MTCL2: variants seen among roughly 807,000 people sequenced by gnomAD.
MTCL2 encodes microtubule crosslinking factor 2, also known as microtubule cross-linking factor 2.
chr20:36,809,779 GGC>G, the MTCL2 span, among the ~76,000 whole-genome samples: 1 of 151,972 alleles, frequency 6.6e-6, no homozygotes, highest in South Asian at 2.1e-4. Flanking sequence ...TTTCCATGTT[GGC>G]CAGGCTGGTC....
chr20:36,827,737 C>G, the MTCL2 span, among the ~76,000 whole-genome samples: 3 of 152,240 alleles, frequency 2.0e-5, no homozygotes, highest in Admixed American at 2.0e-4. Context: ...TAAGGAGAGG[C>G]TGGGTGAACT....
the MTCL2 span, among the ~76,000 whole-genome samples, chr20:36,861,297 C>G: frequency 6.6e-6 from 1 of 152,202 alleles, no homozygotes; most frequent in Non-Finnish European, 1.5e-5. Flanking sequence ...ACTGAACTCC[C>G]AGTTGCCAAC....
the MTCL2 span, among the ~76,000 whole-genome samples, chr20:36,833,247 G>A: frequency 1.3e-5 from 2 of 152,130 alleles, no homozygotes; most frequent in African/African-American, 4.8e-5. Flanking sequence ...CCCAACAGTG[G>A]GCTTACTGTG....
chr20:36,794,417 C>CA, the MTCL2 span: 1 of 1,613,964 alleles, frequency 6.2e-7, no homozygotes, highest in Non-Finnish European at 8.5e-7. This position sits in a 1 kb window ranked among gnomAD's most constrained non-coding sequence, Gnocchi z 5.4. Flanking sequence ...CAGGTGGTTG[C>CA]AGTCCCTCGA....
the MTCL2 span, among the ~76,000 whole-genome samples, chr20:36,797,350 A>G: frequency 6.6e-6 from 1 of 151,868 alleles, no homozygotes; most frequent in Admixed American, 6.6e-5. Context: ...GGCAGGAACC[A>G]TGAGATACAG....
chr20:36,853,206 G>C, the MTCL2 span, among the ~76,000 whole-genome samples: 27 of 152,242 alleles, frequency 1.8e-4, no homozygotes, highest in East Asian at 4.8e-3. Flanking sequence ...TGGGAATAAT[G>C]AGGGAAGACT....
At chr20:36,841,942 C>A in the MTCL2 span, among the ~76,000 whole-genome samples, 1 of 148,800 alleles carries the variant, frequency 6.7e-6, no homozygotes, top group Non-Finnish European at 1.5e-5. Flanking sequence ...CCATGTTGCC[C>A]AGGTTGCTCA....
At chr20:36,850,730 A>ATGTTTTT in the MTCL2 span, among the ~76,000 whole-genome samples, 1 of 152,116 alleles carries the variant, frequency 6.6e-6, no homozygotes, top group Non-Finnish European at 1.5e-5. Flanking sequence ...TTTTTCTAAA[A>ATGTTTTT]CCATGTTTAA....
chr20:36,798,390 C>T, the MTCL2 span, among the ~76,000 whole-genome samples: 1 of 152,206 alleles, frequency 6.6e-6, no homozygotes. Context: ...TTAATCCTCA[C>T]AGAAACAGTG....
the MTCL2 span, among the ~76,000 whole-genome samples, chr20:36,789,744 C>T: frequency 3.3e-5 from 5 of 152,168 alleles, no homozygotes; most frequent in South Asian, 8.3e-4. Context: ...AGAGGGCTTA[C>T]TCTCCCTCAA....
the MTCL2 span, among the ~76,000 whole-genome samples, chr20:36,796,311 G>A: frequency 6.6e-6 from 1 of 152,244 alleles, no homozygotes; most frequent in East Asian, 1.9e-4. Flanking sequence ...GCTAGAACTG[G>A]CAGGGCTGGC....
At chr20:36,813,939 G>A in the MTCL2 span, among the ~76,000 whole-genome samples, 2 of 152,018 alleles carry the variant, frequency 1.3e-5, no homozygotes, top group South Asian at 4.2e-4. Context: ...CGCTCCTTCC[G>A]CCTCTGATCT....
chr20:36,810,717 C>CTCTCT, the MTCL2 span, among the ~76,000 whole-genome samples: 440 of 94,262 alleles, frequency 4.7e-3, 6 homozygotes, highest in African/African-American at 0.015. Flanking sequence ...TCTCTCTCTC[C>CTCTCT]CTCTCTCTCT....
At chr20:36,812,518 G>A in the MTCL2 span, among the ~76,000 whole-genome samples, 2 of 152,230 alleles carry the variant, frequency 1.3e-5, no homozygotes, top group East Asian at 1.9e-4. Context: ...CTTGGATCAG[G>A]CCATGAGAAT....
At chr20:36,827,959 T>C in the MTCL2 span, among the ~76,000 whole-genome samples, 1 of 152,208 alleles carries the variant, frequency 6.6e-6, no homozygotes. Flanking sequence ...CTCCTCTCCC[T>C]GCACACTGAG....
At chr20:36,783,968 AG>A in the MTCL2 span, 4 of 985,660 alleles carry the variant, frequency 4.1e-6, no homozygotes, top group Admixed American at 2.5e-4. Flanking sequence ...AGTGGCATGC[AG>A]GAAGTAGAAA....
chr20:36,789,108 C>T, the MTCL2 span, among the ~76,000 whole-genome samples: 23 of 152,300 alleles, frequency 1.5e-4, no homozygotes, highest in African/African-American at 5.3e-4. Context: ...TGAATATTTC[C>T]ATAGGCTACC....
At chr20:36,822,845 C>G in the MTCL2 span, among the ~76,000 whole-genome samples, 9 of 151,920 alleles carry the variant, frequency 5.9e-5, no homozygotes, top group African/African-American at 2.2e-4. Context: ...GCAACCTCCG[C>G]CTCCCAGGTT....
At chr20:36,792,013 G>A in the MTCL2 span, among the ~76,000 whole-genome samples, 2 of 152,218 alleles carry the variant, frequency 1.3e-5, no homozygotes, top group Non-Finnish European at 2.9e-5. Context: ...GATAGCAGGA[G>A]TGGGGTGTGA....
Sources: gnomAD v4.1 joint callset for allele counts (sites outside exome capture counted in the v4.1 genomes callset) on GRCh38, gnomAD v4.1.1 for gene constraint, Gnocchi (gnomAD v3.1) non-coding constraint, MANE v1.5 for transcripts, NCBI Gene and HGNC (gene_info 2026-07-23, HGNC 2026-07-21) for gene names.